BCL7A: variants seen among roughly 807,000 people sequenced by gnomAD.
BCL7A encodes the protein B-cell CLL/lymphoma 7 protein family member A.
In BCL7A, 11 loss-of-function variants were observed where a neutral mutation model predicts 28.4. The observed-to-expected ratio is 0.39, with a 90% CI of 0.24 to 0.64. BCL7A has a LOEUF of 0.64. Ranked by LOEUF, BCL7A falls within the 30% of genes least tolerant of loss-of-function variation. The pLI, the probability that BCL7A is intolerant of heterozygous loss-of-function variation, is 0.50. For synonymous variants in BCL7A, 123 were observed against 103.3 expected (o/e 1.19, Z -1.15); for missense variants, 222 against 274.8 (o/e 0.81, Z 1.36).
At chr12:122,043,489 C>G (rs371848621) in intron 3 of BCL7A, among the ~76,000 whole-genome samples, 2 of 151,898 alleles carry the variant, frequency 1.3e-5, no homozygotes, top group Non-Finnish European at 2.9e-5. Flanking sequence ...CCCTACCACA[C>G]GGCCGGGTGC....
chr12:122,023,695 TAC>T, intron 1 of BCL7A, among the ~76,000 whole-genome samples: 1 of 152,236 alleles, frequency 6.6e-6, no homozygotes, highest in South Asian at 2.1e-4. Context: ...GCTCCCCTGG[TAC>T]ACAGGGTGCC....
chr12:122,041,219 C>T (rs1204469465), intron 3 of BCL7A, among the ~76,000 whole-genome samples: 1 of 152,090 alleles, frequency 6.6e-6, no homozygotes. Context: ...TCTGCTGCTC[C>T]CAGCCTCAGT....
chr12:122,055,545 T>G (rs1044560224), intron 5 of BCL7A, among the ~76,000 whole-genome samples: 10 of 152,170 alleles, frequency 6.6e-5, no homozygotes, highest in Non-Finnish European at 1.5e-4. Flanking sequence ...GTAAAACACT[T>G]AGCATGGAGC....
intron 2 of BCL7A, among the ~76,000 whole-genome samples, chr12:122,031,145 G>C (rs913667793): frequency 1.3e-5 from 2 of 152,096 alleles, no homozygotes; most frequent in African/African-American, 4.8e-5. Context: ...TCCAGCCTCA[G>C]CCTCCCGAGT....
intron 3 of BCL7A, among the ~76,000 whole-genome samples, chr12:122,039,501 T>TATAATATATATATTATATATATTATATA (rs1565938450): frequency 1.5e-4 from 21 of 141,224 alleles, no homozygotes; most frequent in Middle Eastern, 7.2e-3. Context: ...TATATATATA[T>TATAATATATATATTATATATATTATATA]ATATAATATA....
intron 2 of BCL7A, among the ~76,000 whole-genome samples, chr12:122,032,408 G>A (rs975197557): frequency 3.3e-5 from 5 of 152,248 alleles, no homozygotes; most frequent in Non-Finnish European, 5.9e-5. Context: ...GCCATTAGGT[G>A]TAGAAATGCT....
At chr12:122,048,622 A>G (rs1216624766) in intron 4 of BCL7A, among the ~76,000 whole-genome samples, 3 of 152,086 alleles carry the variant, frequency 2.0e-5, no homozygotes, top group Admixed American at 1.3e-4. Context: ...GTGGTAGTAC[A>G]TGCCTGTGGT....
intron 1 of BCL7A, among the ~76,000 whole-genome samples, chr12:122,027,948 TG>T (rs1325180391): frequency 6.6e-6 from 1 of 152,174 alleles, no homozygotes; most frequent in Non-Finnish European, 1.5e-5. Context: ...TCTGTGGTGA[TG>T]GTTTTGGGGG....
At chr12:122,037,343 A>G (rs142814936) in intron 3 of BCL7A, among the ~76,000 whole-genome samples, 305 of 152,346 alleles carry the variant, frequency 2.0e-3, no homozygotes, top group African/African-American at 6.9e-3. Flanking sequence ...TAGTAGACAA[A>G]TAACTAAAAA....
intron 4 of BCL7A, among the ~76,000 whole-genome samples, chr12:122,049,402 C>G (rs1270297495): frequency 6.6e-6 from 1 of 151,878 alleles, no homozygotes; most frequent in Non-Finnish European, 1.5e-5. Flanking sequence ...GCTGGAGAGG[C>G]CGGGCGTGGT....
At chr12:122,024,792 CATT>C (rs1361916027) in intron 1 of BCL7A, among the ~76,000 whole-genome samples, 1 of 152,114 alleles carries the variant, frequency 6.6e-6, no homozygotes, top group Non-Finnish European at 1.5e-5. Context: ...TATACTAAAA[CATT>C]ATCTAATTTA....
chr12:122,058,506 A>T (rs531659380), intron 5 of BCL7A, among the ~76,000 whole-genome samples: 1 of 152,142 alleles, frequency 6.6e-6, no homozygotes, highest in South Asian at 2.1e-4. Context: ...TAAAAATACA[A>T]AAATTAGCCG....
chr12:122,035,532 A>G, intron 3 of BCL7A, 105 bp downstream of exon 3: 3 of 1,012,128 alleles, frequency 3.0e-6, no homozygotes, highest in East Asian at 2.6e-5. Context: ...ATTCCAGGCA[A>G]GGGGTAGGAG....
At chr12:122,054,089 A>G (rs1444978869) in intron 4 of BCL7A, among the ~76,000 whole-genome samples, 1 of 151,834 alleles carries the variant, frequency 6.6e-6, no homozygotes, top group Non-Finnish European at 1.5e-5. Context: ...TACCCTTATT[A>G]TTGTTATTAT....
chr12:122,049,647 A>G (rs1290025466), intron 4 of BCL7A, among the ~76,000 whole-genome samples: 2 of 152,154 alleles, frequency 1.3e-5, no homozygotes, highest in East Asian at 1.9e-4. Flanking sequence ...CTCCATATCA[A>G]CTATAATACT....
chr12:122,023,895 C>A (rs1425161638), intron 1 of BCL7A, among the ~76,000 whole-genome samples: 1 of 152,214 alleles, frequency 6.6e-6, no homozygotes, highest in Non-Finnish European at 1.5e-5. Flanking sequence ...CTTCTGTCGC[C>A]GGCCTGGAGG....
chr12:122,043,139 C>G (rs1243932925), intron 3 of BCL7A, among the ~76,000 whole-genome samples: 1 of 152,022 alleles, frequency 6.6e-6, no homozygotes, highest in African/African-American at 2.4e-5. Context: ...AGGCTGGATG[C>G]AGTCAGACAG....
chr12:122,054,233 C>G (rs375169015), intron 4 of BCL7A, among the ~76,000 whole-genome samples: 2 of 151,954 alleles, frequency 1.3e-5, no homozygotes, highest in Non-Finnish European at 2.9e-5. Flanking sequence ...TACAGGCGCC[C>G]GCCGCCACCA....
At chr12:122,023,930 T>C (rs1883544302) in intron 1 of BCL7A, among the ~76,000 whole-genome samples, 1 of 152,278 alleles carries the variant, frequency 6.6e-6, no homozygotes, top group African/African-American at 2.4e-5. Flanking sequence ...GCAAGCCGCC[T>C]TTCTCTGCTC....
Sources: gnomAD v4.1 joint callset for allele counts (sites outside exome capture counted in the v4.1 genomes callset) on GRCh38, gnomAD v4.1.1 for gene constraint, MANE v1.5 for transcripts, NCBI Gene and HGNC (gene_info 2026-07-23, HGNC 2026-07-21) for gene names.